LRRC2: variants seen among roughly 807,000 people sequenced by gnomAD.
LRRC2 encodes leucine rich repeat containing 2.
In LRRC2, 27 loss-of-function variants were observed where a neutral mutation model predicts 40.2. The observed-to-expected ratio is 0.67, with a 90% CI of 0.49 to 0.93. The LOEUF (loss-of-function observed/expected upper bound fraction) is 0.93. Among genes scored for constraint, LRRC2 ranks in the 40% least tolerant of loss-of-function variants. The pLI is 0.00. For synonymous variants in LRRC2, 147 were observed against 158.9 expected (o/e 0.92, Z 0.56); for missense variants, 402 against 439.6 (o/e 0.91, Z 0.76).
intron 4 of LRRC2, among the ~76,000 whole-genome samples, chr3:46,538,595 T>C (rs1704315648): frequency 6.6e-6 from 1 of 151,866 alleles, no homozygotes; most frequent in Non-Finnish European, 1.5e-5. Context: ...GATTGTGCCA[T>C]TGCACTCCAG....
chr3:46,525,721 T>G (rs1245155865), intron 7 of LRRC2, among the ~76,000 whole-genome samples: 1 of 152,200 alleles, frequency 6.6e-6, no homozygotes, highest in African/African-American at 2.4e-5. Context: ...TTAAGTATAA[T>G]TTTTGGAAGA....
At position 46,545,179 on chromosome 3, in the gene LRRC2, C is replaced by A; in HGVS notation, c.200G>T (p.Gly67Val). ...GIPQAVYCKN[G>V]FIDTSVRLLD... ...AAGCCGCACGCTGGTGTCTATGAAG[C>A]CATTCTTGCAGTATACAGCCTGGGG... is the stretch of plus-strand genomic sequence containing the variant. Residue 67 changes from glycine (G) to valine (V), a missense_variant, in exon 3 of 9, where the codon GGC (glycine) becomes GTC (valine). Physicochemically the swap from Gly to Val is moderately radical, Grantham distance 109. Transcript: ENST00000395905. 6.2e-7 allele frequency: 1 copy of A among 1,614,216 alleles called. No individual in the cohort carries two copies. The highest frequency in any genetic ancestry group is 8.5e-7 in the Non-Finnish European group (1 of 1,180,040).
chr3:46,543,376 G>A (rs1704439123), intron 3 of LRRC2, among the ~76,000 whole-genome samples: 2 of 152,104 alleles, frequency 1.3e-5, no homozygotes, highest in African/African-American at 2.4e-5. Flanking sequence ...CAGCACTTTG[G>A]GAGGCCGAGG....
In LRRC2 at chr3:46,549,666, G is replaced by A. The variant is rs560577199; in HGVS notation, c.125+1801C>T. On this transcript the variant is annotated intron_variant, in intron 2 of 8. Coordinates refer to ENST00000395905, the MANE Select transcript of LRRC2 (RefSeq NM_024512.5). ...GTTTAACACCTCAAAGAAAGACAGC[G>A]TTGAAGGGGCAGATCCCACTCCAAA... 9.8e-5 allele frequency among the ~76,000 whole-genome samples: 15 copies of A among 152,328 alleles called. No homozygotes were observed. The East Asian group carries it at 2.5e-3, about 25-fold the overall frequency.
At chr3:46,563,668 T>A (rs1451598104) in intron 1 of LRRC2, among the ~76,000 whole-genome samples, 1 of 152,246 alleles carries the variant, frequency 6.6e-6, no homozygotes, top group East Asian at 1.9e-4. Flanking sequence ...GTTAAAGTAT[T>A]TGATTCATTA....
rs951520471 is a variant in LRRC2, at chr3:46,517,899, C to A, written c.*1115G>T. 2.0e-5 allele frequency: 3 copies of A among 152,270 alleles called. No homozygotes were observed. The highest frequency in any genetic ancestry group is 4.4e-5 in the Non-Finnish European group (3 of 68,106). The allele number at this position is 152,270 out of a possible 1,614,324, so 9.4% of individuals were successfully genotyped here. A position where few individuals can be genotyped will look rare whatever the true frequency, so the allele number is the denominator to read the frequency against. ...CCACAAGGAAGCCTTGCTAGGAACT[C>A]CTTATCAGTGTGGACTGGTCATCTC... On this transcript the variant is annotated 3_prime_UTR_variant, in exon 9 of 9. Coordinates refer to ENST00000395905, the MANE Select transcript of LRRC2 (RefSeq NM_024512.5).
Position 46,518,738 on chromosome 3 carries a change from G to T in LRRC2, c.*276C>A. 3.1e-6 allele frequency: 1 copy of T among 318,188 alleles called. No homozygotes were observed. The highest frequency in any genetic ancestry group is 5.7e-6 in the Non-Finnish European group (1 of 176,640). The allele number at this position is 318,188 out of a possible 1,614,324, so 19.7% of individuals were successfully genotyped here. Reference sequence around the variant, plus strand: ...TTTTAGTTATAATTCTTAAAAATAAGACATTTTAAAACATATTAAATGTGC... The same window carrying T: ...TTTTAGTTATAATTCTTAAAAATAATACATTTTAAAACATATTAAATGTGC... On this transcript the variant is annotated 3_prime_UTR_variant, in exon 9 of 9. Coordinates refer to ENST00000395905, the MANE Select transcript of LRRC2 (RefSeq NM_024512.5).
At chr3:46,534,419 C>CTTT (rs1704230189) in intron 4 of LRRC2, among the ~76,000 whole-genome samples, 16 of 111,128 alleles carry the variant, frequency 1.4e-4, no homozygotes, top group African/African-American at 3.1e-4. Flanking sequence ...TCTTTTCCTT[C>CTTT]CTTCCTTTCT....
chr3:46,548,051 T>C (rs1290982487), intron 2 of LRRC2, among the ~76,000 whole-genome samples: 1 of 152,184 alleles, frequency 6.6e-6, no homozygotes, highest in African/African-American at 2.4e-5. Flanking sequence ...CTGGGCACTT[T>C]TCAGATTAAT....
intron 5 of LRRC2, among the ~76,000 whole-genome samples, chr3:46,531,984 A>G (rs1236714089): frequency 6.6e-6 from 1 of 152,196 alleles, no homozygotes; most frequent in Non-Finnish European, 1.5e-5. Context: ...TTATCAGAAA[A>G]TGATTTAAAA....
At position 46,553,941 on chromosome 3, in the gene LRRC2, T is replaced by G. The variant is rs17296973; in HGVS notation, c.-19-2331A>C. Among the ~76,000 whole-genome samples the G allele has an allele frequency of 4.9e-3, 747 of 152,366 alleles. 4 individuals are homozygous for G. The highest frequency in any genetic ancestry group is 0.017 in the African/African-American group (705 of 41,592). On this transcript the variant is annotated intron_variant, in intron 1 of 8. Coordinates refer to ENST00000395905, the MANE Select transcript of LRRC2 (RefSeq NM_024512.5). ...AATGCTGACCTAATTTATTCCCTTCTTTCCTTTGATTTCTGATGTCTGAGA... is the reference window on the plus strand; with the variant it reads ...AATGCTGACCTAATTTATTCCCTTCGTTCCTTTGATTTCTGATGTCTGAGA...
rs1336875970 is a variant in LRRC2, at chr3:46,518,796, T to C, written c.*218A>G. 1.8e-5 allele frequency: 8 copies of C among 456,700 alleles called. No individual in the cohort carries two copies. The highest frequency in any genetic ancestry group is 1.6e-4 in the African/African-American group (8 of 50,304). 28.3% of individuals were successfully genotyped at this position (456,700 alleles called of 1,614,324 possible). On this transcript the variant is annotated 3_prime_UTR_variant, in exon 9 of 9. Coordinates refer to ENST00000395905, the MANE Select transcript of LRRC2 (RefSeq NM_024512.5). ...GGAAAAAAGTATATGCAAATGAACC[T>C]GGAAATATCAATATACAAACCAATT...
At chr3:46,523,159 T>C (rs1703996139) in intron 7 of LRRC2, among the ~76,000 whole-genome samples, 1 of 152,232 alleles carries the variant, frequency 6.6e-6, no homozygotes, top group Non-Finnish European at 1.5e-5. Flanking sequence ...CTTTATAATT[T>C]TTTCATTGAG....
intron 1 of LRRC2, among the ~76,000 whole-genome samples, chr3:46,562,267 TCAA>T (rs1203914936): frequency 6.6e-6 from 1 of 152,108 alleles, no homozygotes; most frequent in Non-Finnish European, 1.5e-5. Flanking sequence ...AGGCCTCCTG[TCAA>T]CAGCCATGAG....
chr3:46,534,423 C>CCTTTCTTT lies in LRRC2; in HGVS notation c.491-1522_491-1515dup, dbSNP rs754860415. 9.4e-3 allele frequency among the ~76,000 whole-genome samples: 945 copies of CCTTTCTTT among 101,062 alleles called. 8 individuals carry two copies. The highest frequency in any genetic ancestry group is 0.027 in the Middle Eastern group (5 of 188). The allele number at this position is 101,062 out of a possible 152,430, so 66.3% of individuals were successfully genotyped here. On this transcript the variant is annotated intron_variant, in intron 4 of 8. Transcript: ENST00000395905. ...TTCTTTTCTTTTCTTTTCCTTCCTT[C>CCTTTCTTT]CTTTCTTTCTTTCTTTCTTTCTTTC... is the stretch of plus-strand genomic sequence containing the variant.
rs368383872 is a variant in LRRC2, at chr3:46,528,320, G to A, written c.774-739C>T. ...TTTTTTTTTTTTTAATGAGAAAGACGGGGTCTCACTATGTGGCCTAGCCTT... is the reference window on the plus strand; with the variant it reads ...TTTTTTTTTTTTTAATGAGAAAGACAGGGTCTCACTATGTGGCCTAGCCTT... On this transcript the variant is annotated intron_variant, in intron 6 of 8. Coordinates refer to ENST00000395905, the MANE Select transcript of LRRC2 (RefSeq NM_024512.5). 3.5e-4 allele frequency among the ~76,000 whole-genome samples: 53 copies of A among 151,458 alleles called. No individual in the cohort carries two copies. In the South Asian group the frequency reaches 0.01, roughly 30 times the overall value.
At position 46,551,522 on chromosome 3, in the gene LRRC2, G is replaced by T; in HGVS notation, c.70C>A (p.His24Asn). 6.2e-7 allele frequency: 1 copy of T among 1,614,086 alleles called. No individual in the cohort carries two copies. The highest frequency in any genetic ancestry group is 1.7e-5 in the Admixed American group (1 of 60,016). The part of the protein sequence containing the change: ...RALWETRVKK[H>N]KAWQKKEVER... ...ACCTCCTTCTTCTGCCAAGCTTTGT[G>T]CTTCTTGACACGAGTTTCCCACAAG... The change falls in exon 2 of 9, where the codon CAC becomes AAC. Residue 24 changes from histidine to asparagine, a missense_variant. His to Asn is a moderately conservative substitution (Grantham distance 68, BLOSUM62 1). Transcript: ENST00000395905.
intron 7 of LRRC2, among the ~76,000 whole-genome samples, chr3:46,524,817 A>G (rs1280891032): frequency 6.6e-6 from 1 of 152,090 alleles, no homozygotes; most frequent in Non-Finnish European, 1.5e-5. Flanking sequence ...TATTTGTGAT[A>G]TTAACTATAT....
rs1200170447 is a variant in LRRC2, at chr3:46,515,463, T to G, written c.*3551A>C. ...CATGTATTCTGCCATGTAAATAACCTTTCCAAATTATGTATCAGTCTATTT... is the reference window on the plus strand; with the variant it reads ...CATGTATTCTGCCATGTAAATAACCGTTCCAAATTATGTATCAGTCTATTT... On this transcript the variant is annotated 3_prime_UTR_variant, in exon 9 of 9. Transcript: ENST00000395905. 6.6e-6 allele frequency: 1 copy of G among 152,184 alleles called. No individual in the cohort carries two copies. Among genetic ancestry groups the G allele is most frequent in the African/African-American group, 2.4e-5 (1 of 41,464 alleles). The allele number at this position is 152,184 out of a possible 1,614,324, so 9.4% of individuals were successfully genotyped here. A position where few individuals can be genotyped will look rare whatever the true frequency, so the allele number is the denominator to read the frequency against.
Sources: allele counts gnomAD v4.1 joint callset (sites outside exome capture counted in the v4.1 genomes callset), GRCh38; gene constraint gnomAD v4.1.1; transcripts MANE v1.5; gene names NCBI Gene and HGNC (gene_info 2026-07-23, HGNC 2026-07-21).